Variants in RBBP8NL observed in about 807,000 individuals in gnomAD.
RBBP8NL encodes the protein RBBP8 N-terminal like.
A neutral mutation model predicts 62.2 loss-of-function variants in RBBP8NL; 59 were observed. The observed-to-expected ratio is 0.95, with a 90% CI of 0.77 to 1.18. The LOEUF is 1.18. Ranked by LOEUF, RBBP8NL falls within the 50% of genes most tolerant of loss-of-function variation. RBBP8NL has a pLI of 0.00. For missense variants in RBBP8NL, 896 were observed against 899.5 expected, an observed-to-expected ratio of 1.00 and a Z score of 0.05; for synonymous variants, 412 against 394.1, an observed-to-expected ratio of 1.05 and a Z score of -0.54.
chr20:62,415,144 A>C lies in RBBP8NL; in HGVS notation c.771T>G (p.Tyr257Ter). ...ACCTGTCCAGGGAGAGGCCACGCTC[A>C]TACGCTGGGCTGGGTGGGCTGCTCC... Reference protein sequence around the residue: ...PARSSPPSPAYERGLSLDSFL... With the variant: ...PARSSPPSPA Residue 257 changes from tyrosine (Y) to a stop codon, truncating the protein, a stop_gained, in exon 9 of 14, where the codon TAT (tyrosine) becomes TAG (stop). Coordinates refer to ENST00000252998, the MANE Select transcript of RBBP8NL (RefSeq NM_080833.3). LOFTEE classifies it high-confidence loss of function. The C allele has an allele frequency of 6.7e-7, 1 of 1,502,616 alleles. No homozygotes were observed. Among genetic ancestry groups the C allele is most frequent in the Non-Finnish European group, 8.9e-7 (1 of 1,122,988 alleles). The allele number at this position is 1,502,616 out of a possible 1,614,324, so 93.1% of individuals were successfully genotyped here.
chr20:62,417,160 T>A, intron 4 of RBBP8NL, 64 bp downstream of exon 4: 1 of 1,254,360 alleles, frequency 8.0e-7, no homozygotes, highest in South Asian at 1.3e-5. Context: ...AGGAGCCCTG[T>A]CACCTCCTCC....
Position 62,414,247 on chromosome 20 carries a change from G to GGCCCTA in RBBP8NL, c.1098_1103dup (p.Arg369_Ala370dup). On this transcript the variant is annotated inframe_insertion, in exon 10 of 14. Coordinates refer to ENST00000252998, the MANE Select transcript of RBBP8NL (RefSeq NM_080833.3). ...CCCTTGGCCTGACACTGCCTGCCCT[G>GGCCCTA]GCCCTAGCCCGCAGCTGCTGCTGGG... is the stretch of plus-strand genomic sequence containing the variant. 1 of 1,596,994 alleles carries GGCCCTA rather than the reference G, an allele frequency of 6.3e-7. No individual in the cohort carries two copies. The highest frequency in any genetic ancestry group is 8.5e-7 in the Non-Finnish European group (1 of 1,173,468).
chr20:62,422,383 G>A (rs1233323514), intron 1 of RBBP8NL, among the ~76,000 whole-genome samples: 2 of 151,690 alleles, frequency 1.3e-5, no homozygotes, highest in Admixed American at 6.6e-5. Flanking sequence ...AACCACCCAA[G>A]CCAGGCTTGA....
intron 5 of RBBP8NL, 58 bp from the exon 6 acceptor site, chr20:62,416,294 T>TGGGGTGGGGGGG: frequency 1.9e-6 from 1 of 515,302 alleles, no homozygotes; most frequent in Non-Finnish European, 3.8e-6. Flanking sequence ...GGGGCAGGGG[T>TGGGGTGGGGGGG]GGGGTCGTCA....
intron 1 of RBBP8NL, among the ~76,000 whole-genome samples, chr20:62,426,284 G>A (rs917909355): frequency 2.0e-5 from 3 of 152,252 alleles, no homozygotes; most frequent in African/African-American, 4.8e-5. Flanking sequence ...TTTCCCACTT[G>A]CATGGGCACT....
intron 3 of RBBP8NL, 75 bp from the exon 4 acceptor site, chr20:62,417,394 G>C: frequency 3.3e-6 from 4 of 1,215,500 alleles, no homozygotes; most frequent in Non-Finnish European, 1.1e-6. Context: ...ATCCAGCCTG[G>C]GGGGGCAGCG....
intron 2 of RBBP8NL, among the ~76,000 whole-genome samples, chr20:62,419,277 C>T (rs983863080): frequency 4.6e-5 from 7 of 152,156 alleles, no homozygotes; most frequent in African/African-American, 7.2e-5. Context: ...ATGGGGCCTG[C>T]GGGTGGCAGG....
intron 1 of RBBP8NL, among the ~76,000 whole-genome samples, chr20:62,422,560 G>A (rs1190930651): frequency 1.6e-5 from 2 of 127,050 alleles, no homozygotes; most frequent in Non-Finnish European, 3.6e-5. Flanking sequence ...GGGTGGGGAC[G>A]GGGACTGGGG....
Position 62,414,224 on chromosome 20 carries a change from C to G in RBBP8NL, c.1127G>C (p.Arg376Thr). ...ARARAGSVRP[R>T]GQPTPGEMLP... The stretch of plus-strand genomic sequence containing the variant: ...CATCTCCCCGGGTGTGGGCTGGCCC[C>G]TTGGCCTGACACTGCCTGCCCTGGC... Residue 376 changes from arginine (R) to threonine (T), a missense_variant, in exon 10 of 14, where the codon AGG (arginine) becomes ACG (threonine). Arg to Thr is a moderately conservative substitution (Grantham distance 71, BLOSUM62 -1). Coordinates refer to ENST00000252998, the MANE Select transcript of RBBP8NL (RefSeq NM_080833.3). 8 of 1,603,904 alleles carry G rather than the reference C, an allele frequency of 5.0e-6. No homozygotes were observed. In the East Asian group the frequency reaches 6.7e-5, roughly 13 times the overall value.
In RBBP8NL at chr20:62,411,018, C is replaced by A. The variant is rs756094149; in HGVS notation, c.1877-22G>T. On this transcript the variant is annotated intron_variant, in intron 13 of 13. Transcript: ENST00000252998. Reference sequence around the variant, plus strand: ...GAGGCTATGGGAAGTGGCCGGAGGTCAGGCCGGAGCTGTGTGCCTTCCTTT... The same window carrying A: ...GAGGCTATGGGAAGTGGCCGGAGGTAAGGCCGGAGCTGTGTGCCTTCCTTT... 8 of 1,513,554 alleles carry A rather than the reference C, an allele frequency of 5.3e-6. No homozygotes were observed. In the Admixed American group the frequency reaches 1.0e-4, roughly 19 times the overall value. 93.8% of individuals were successfully genotyped at this position (1,513,554 alleles called of 1,614,324 possible). A position where few individuals can be genotyped will look rare whatever the true frequency, so the allele number is the denominator to read the frequency against.
intron 8 of RBBP8NL, 135 bp from the exon 9 acceptor site, chr20:62,415,422 G>T (rs1395352178): frequency 2.2e-6 from 3 of 1,357,900 alleles, no homozygotes; most frequent in Non-Finnish European, 3.0e-6. Context: ...CCCCACCCAC[G>T]CCAAATGGAG....
intron 1 of RBBP8NL, among the ~76,000 whole-genome samples, chr20:62,426,769 C>T (rs1199644887): frequency 6.6e-6 from 1 of 152,266 alleles, no homozygotes; most frequent in East Asian, 1.9e-4. Flanking sequence ...TGTGCACATG[C>T]ACTCGTGTAC....
intron 2 of RBBP8NL, among the ~76,000 whole-genome samples, 186 bp from the exon 3 acceptor site, chr20:62,418,651 G>A (rs112679819): frequency 0.023 from 3,469 of 152,142 alleles, 115 homozygotes; most frequent in African/African-American, 0.073. Context: ...CGGTGGTCTC[G>A]GCCTAGCATC....
chr20:62,422,838 C>T (rs1205438013), intron 1 of RBBP8NL, among the ~76,000 whole-genome samples: 3 of 152,084 alleles, frequency 2.0e-5, no homozygotes, highest in African/African-American at 4.8e-5. Context: ...CCCCAGGGGC[C>T]CCTGACAGGG....
intron 2 of RBBP8NL, among the ~76,000 whole-genome samples, chr20:62,419,277 CG>C (rs1390544836): frequency 6.6e-6 from 1 of 152,156 alleles, no homozygotes; most frequent in Non-Finnish European, 1.5e-5. Flanking sequence ...ATGGGGCCTG[CG>C]GGTGGCAGGT....
At chr20:62,425,982 A>G (rs1426675157) in intron 1 of RBBP8NL, among the ~76,000 whole-genome samples, 8 of 147,206 alleles carry the variant, frequency 5.4e-5, no homozygotes, top group Admixed American at 6.8e-5. Flanking sequence ...CAGTGGCAGT[A>G]GCAGTGGCAG....
intron 13 of RBBP8NL, among the ~76,000 whole-genome samples, chr20:62,411,887 A>G (rs1426378735): frequency 2.0e-5 from 3 of 152,248 alleles, no homozygotes; most frequent in Non-Finnish European, 2.9e-5. Flanking sequence ...GCCGGCAACA[A>G]TGGCACACAG....
Position 62,415,596 on chromosome 20 carries a change from C to G in RBBP8NL, c.609G>C (p.Glu203Asp), listed in dbSNP as rs1988543805. ...CCCTTACCATGTCTGGGGCTCGCGA[C>G]TCAGGCAGGGTGGCCCCTGGGGAGA... ...AKISPGATLP[E>D]SRAPDMSPQR... Residue 203 changes from glutamate to aspartate, a missense_variant, in exon 8 of 14, where the codon GAG becomes GAC. Coordinates refer to ENST00000252998, the MANE Select transcript of RBBP8NL (RefSeq NM_080833.3). 6.2e-7 allele frequency: 1 copy of G among 1,612,890 alleles called. No individual in the cohort carries two copies. The highest frequency in any genetic ancestry group is 2.2e-5 in the East Asian group (1 of 44,886).
rs1484542892 is a variant in RBBP8NL at position 62,413,431 on chromosome 20, G to A, written c.1645C>T (p.Pro549Ser). ...PPPHPQPPPH[P>S]QPPDLDGHPE... Reference sequence around the variant, plus strand: ...TGGCCGTCCAGGTCAGGCGGCTGTGGGTGGGGAGGCGGCTGTGGGTGGGGA... The same window carrying A: ...TGGCCGTCCAGGTCAGGCGGCTGTGAGTGGGGAGGCGGCTGTGGGTGGGGA... The change falls in exon 11 of 14, where the codon CCA becomes TCA. Residue 549 changes from proline (P) to serine (S), a missense_variant. Physicochemically the swap from Pro to Ser is moderately conservative, Grantham distance 74. Transcript: ENST00000252998. 9 of 1,461,214 alleles carry A rather than the reference G, an allele frequency of 6.2e-6. No homozygotes were observed. The highest frequency in any genetic ancestry group is 7.2e-6 in the Non-Finnish European group (8 of 1,107,884). The allele number at this position is 1,461,214 out of a possible 1,614,324, so 90.5% of individuals were successfully genotyped here.
Sources: allele counts gnomAD v4.1 joint callset (sites outside exome capture counted in the v4.1 genomes callset), GRCh38; gene constraint gnomAD v4.1.1; transcripts MANE v1.5; gene names NCBI Gene and HGNC (gene_info 2026-07-23, HGNC 2026-07-21).